SHISA9: variants seen among roughly 807,000 people sequenced by gnomAD.
SHISA9 encodes protein shisa-9.
Under a neutral mutation model 38.0 loss-of-function variants are expected in SHISA9, and 13 were observed. That is an observed-to-expected ratio of 0.34 (90% CI 0.22 to 0.54). The LOEUF (loss-of-function observed/expected upper bound fraction) is 0.54. Ranked by LOEUF, SHISA9 falls within the 20% of genes least tolerant of loss-of-function variation. SHISA9 has a pLI of 0.91. For synonymous variants in SHISA9, 275 were observed against 242.0 expected (o/e 1.14, Z -1.27); for missense variants, 538 against 575.8 (o/e 0.93, Z 0.67).
chr16:13,212,544 C>G (rs1161523627), intron 3 of SHISA9, among the ~76,000 whole-genome samples: 1 of 152,172 alleles, frequency 6.6e-6, no homozygotes, highest in Non-Finnish European at 1.5e-5. Context: ...AGGCACACAC[C>G]TGTTCTGTAA....
At chr16:13,452,214 G>C in the SHISA9 span, among the ~76,000 whole-genome samples, 1 of 152,054 alleles carries the variant, frequency 6.6e-6, no homozygotes, top group Non-Finnish European at 1.5e-5. Flanking sequence ...ACAGAGGGAG[G>C]GTGCACAGGG....
At chr16:13,299,934 G>C in the SHISA9 span, among the ~76,000 whole-genome samples, 126 of 152,116 alleles carry the variant, frequency 8.3e-4, no homozygotes, top group Non-Finnish European at 1.5e-3. Flanking sequence ...GTGACTGTGA[G>C]GATTCAATGA....
the SHISA9 span, among the ~76,000 whole-genome samples, chr16:13,507,591 G>A: frequency 6.6e-6 from 1 of 152,270 alleles, no homozygotes; most frequent in South Asian, 2.1e-4. Context: ...AATGCCGGGG[G>A]TTCCTGGACC....
At chr16:12,972,767 A>C (rs2072101541) in intron 2 of SHISA9, among the ~76,000 whole-genome samples, 1 of 152,174 alleles carries the variant, frequency 6.6e-6, no homozygotes, top group African/African-American at 2.4e-5. Flanking sequence ...TGACCCAGGA[A>C]ATAGTGAGGG....
chr16:13,318,202 A>G, the SHISA9 span, among the ~76,000 whole-genome samples: 3 of 152,200 alleles, frequency 2.0e-5, no homozygotes, highest in African/African-American at 7.2e-5. Context: ...CATTTTATCA[A>G]TTCTTTGTTG....
chr16:13,119,156 C>T (rs1044195543), intron 2 of SHISA9, among the ~76,000 whole-genome samples: 4 of 152,120 alleles, frequency 2.6e-5, no homozygotes, highest in African/African-American at 9.7e-5. Context: ...CGTGAGCCAC[C>T]GCGCCTGGCC....
chr16:13,142,809 C>G (rs1484153600), intron 2 of SHISA9, among the ~76,000 whole-genome samples: 1 of 152,096 alleles, frequency 6.6e-6, no homozygotes, highest in Non-Finnish European at 1.5e-5. Flanking sequence ...CATTAGCACA[C>G]TGGCTAGGGA....
chr16:13,527,214 T>C, the SHISA9 span, among the ~76,000 whole-genome samples: 1 of 152,162 alleles, frequency 6.6e-6, no homozygotes, highest in Admixed American at 6.5e-5. Context: ...TATTATAAGT[T>C]TTCTTATAAA....
downstream of SHISA9, among the ~76,000 whole-genome samples, chr16:13,243,143 G>A (rs1450261151): frequency 1.3e-5 from 2 of 152,010 alleles, no homozygotes; most frequent in African/African-American, 4.8e-5. Flanking sequence ...GCAGGCTGAG[G>A]CAGGGAGAAT....
intron 2 of SHISA9, among the ~76,000 whole-genome samples, chr16:13,178,508 C>G (rs2050750951): frequency 6.6e-6 from 1 of 152,142 alleles, no homozygotes; most frequent in East Asian, 1.9e-4. Context: ...TGGTGCCCGC[C>G]CACGACTGAC....
At chr16:12,939,766 C>T (rs1168287782) in intron 2 of SHISA9, among the ~76,000 whole-genome samples, 10 of 152,296 alleles carry the variant, frequency 6.6e-5, no homozygotes, top group East Asian at 1.9e-4. Flanking sequence ...AGATGTGATT[C>T]AGCATCTGGC....
At chr16:13,130,051 A>C (rs996204898) in intron 2 of SHISA9, among the ~76,000 whole-genome samples, 31 of 152,156 alleles carry the variant, frequency 2.0e-4, no homozygotes, top group African/African-American at 7.0e-4. Context: ...TTTTCAAAGA[A>C]CTTTCATGTA....
the SHISA9 span, among the ~76,000 whole-genome samples, chr16:13,394,628 T>G: frequency 6.6e-6 from 1 of 152,230 alleles, no homozygotes; most frequent in Non-Finnish European, 1.5e-5. Flanking sequence ...CTTCTACCAG[T>G]AAATCTTCCT....
chr16:13,247,831 CATT>C, the SHISA9 span, among the ~76,000 whole-genome samples: 19 of 152,100 alleles, frequency 1.2e-4, no homozygotes, highest in Admixed American at 1.2e-3. Context: ...CTTTTTAAAA[CATT>C]ATAAAAGGGC....
chr16:13,010,264 T>C (rs539873214), intron 2 of SHISA9, among the ~76,000 whole-genome samples: 1 of 152,226 alleles, frequency 6.6e-6, no homozygotes, highest in Admixed American at 6.5e-5. Flanking sequence ...AATTAAAAAA[T>C]AAAACCTCTT....
Position 12,912,251 on chromosome 16 carries a change from C to A in SHISA9, c.564-4437C>A, listed in dbSNP as rs114962941. ...GAAGGTCCCTAAAGACTCTTCATTT[C>A]TGCCGCACACTCTAGGAAGGGCTGC... On this transcript the variant is annotated intron_variant, in intron 1 of 4. Coordinates refer to ENST00000558583, the MANE Select transcript of SHISA9 (RefSeq NM_001145204.3). 5.6e-3 allele frequency among the ~76,000 whole-genome samples: 851 copies of A among 152,336 alleles called. 7 individuals are homozygous for A. Among genetic ancestry groups the A allele is most frequent in the African/African-American group, 0.02 (817 of 41,578 alleles).
the SHISA9 span, among the ~76,000 whole-genome samples, chr16:13,511,347 C>G: frequency 2.6e-5 from 4 of 152,154 alleles, no homozygotes; most frequent in African/African-American, 7.2e-5. Context: ...CTTAAGATCA[C>G]AAATACAACA....
the SHISA9 span, among the ~76,000 whole-genome samples, chr16:13,417,023 A>G: frequency 2.0e-5 from 3 of 152,226 alleles, no homozygotes; most frequent in African/African-American, 7.2e-5. Context: ...ACTGAGATGG[A>G]GAAAGTCTGT....
the SHISA9 span, among the ~76,000 whole-genome samples, chr16:13,289,224 T>C: frequency 1.3e-5 from 2 of 152,170 alleles, no homozygotes; most frequent in African/African-American, 4.8e-5. Flanking sequence ...CTGTCTCTTG[T>C]CTATCATATT....
Sources: allele counts gnomAD v4.1 joint callset (sites outside exome capture counted in the v4.1 genomes callset), GRCh38; gene constraint gnomAD v4.1.1; transcripts MANE v1.5; gene names NCBI Gene and HGNC (gene_info 2026-07-23, HGNC 2026-07-21).